PPP6R2: variants seen among roughly 807,000 people sequenced by gnomAD.
The protein encoded by PPP6R2 is protein phosphatase 6 regulatory subunit 2.
Under a neutral mutation model 100.2 loss-of-function variants are expected in PPP6R2, and 62 were observed. The observed-to-expected ratio is 0.62, with a 90% CI of 0.50 to 0.76. PPP6R2 has a LOEUF of 0.76. Among genes scored for constraint, PPP6R2 ranks in the 30% least tolerant of loss-of-function variants. The probability of loss-of-function intolerance (pLI) is 0.00; values close to 1 mark genes in which losing one functional copy is unlikely to be tolerated. For missense variants in PPP6R2, 1,142 were observed against 1,276.3 expected, an observed-to-expected ratio of 0.89 and a Z score of 1.60; for synonymous variants, 525 against 514.7, an observed-to-expected ratio of 1.02 and a Z score of -0.27.
intron 4 of PPP6R2, among the ~76,000 whole-genome samples, 155 bp downstream of exon 4, chr22:50,407,030 C>A (rs896675099): frequency 6.6e-6 from 1 of 152,088 alleles, no homozygotes; most frequent in Non-Finnish European, 1.5e-5. Context: ...GTGGGTTTTG[C>A]CAGTCTGGGA....
intron 4 of PPP6R2, among the ~76,000 whole-genome samples, chr22:50,413,711 T>A (rs1424332788): frequency 6.7e-6 from 1 of 148,924 alleles, no homozygotes; most frequent in Non-Finnish European, 1.5e-5. Context: ...TTCCCACCAC[T>A]CCTTTTCCTA....
chr22:50,426,917 A>T (rs1272039644), intron 10 of PPP6R2, among the ~76,000 whole-genome samples: 2 of 150,652 alleles, frequency 1.3e-5, no homozygotes, highest in Non-Finnish European at 2.9e-5. Context: ...GGCCGGGCGC[A>T]GTGGCTCATG....
intron 2 of PPP6R2, among the ~76,000 whole-genome samples, chr22:50,374,566 A>T (rs1177719334): frequency 6.6e-6 from 1 of 152,190 alleles, no homozygotes; most frequent in African/African-American, 2.4e-5. Context: ...AACTAATAAA[A>T]GACCTAAATC....
At chr22:50,346,876 G>A (rs1037100693) in intron 1 of PPP6R2, among the ~76,000 whole-genome samples, 1 of 142,548 alleles carries the variant, frequency 7.0e-6, no homozygotes, top group Non-Finnish European at 1.5e-5. Flanking sequence ...TCCCATCAGT[G>A]CCTGCACCCC....
chr22:50,356,005 C>T (rs1169937709), intron 1 of PPP6R2, among the ~76,000 whole-genome samples: 1 of 148,908 alleles, frequency 6.7e-6, no homozygotes, highest in East Asian at 2.0e-4. Context: ...CTCTGTCACT[C>T]AGGCTGGAGT....
In PPP6R2 at chr22:50,441,006, G is replaced by A. The variant is rs780408073; in HGVS notation, c.2559G>A (p.Arg853=). The A allele has an allele frequency of 6.3e-7, 1 of 1,597,038 alleles. No individual in the cohort carries two copies. Among genetic ancestry groups the A allele is most frequent in the South Asian group, 1.1e-5 (1 of 90,480 alleles). The change falls in exon 22 of 24, where the codon AGG becomes AGA. Residue 853 remains arginine, a synonymous_variant. Transcript: ENST00000612753. The stretch of plus-strand genomic sequence containing the variant: ...CCCCCCCGCTGCCCACAGTGGCCAG[G>A]ACAGAGGAGGCTGTCGGCAGGTGTG... ...REAPPLPTVA[R]TEEAVGRVGC...
At chr22:50,374,858 G>A (rs2051095919) in intron 2 of PPP6R2, among the ~76,000 whole-genome samples, 1 of 137,628 alleles carries the variant, frequency 7.3e-6, no homozygotes, top group Admixed American at 7.8e-5. Flanking sequence ...ATGTTGCAGT[G>A]AGCCAAGATC....
rs183546977 is a variant in PPP6R2 at position 50,429,093 on chromosome 22, T to C, written c.1126-2080T>C. Among the ~76,000 whole-genome samples the C allele has an allele frequency of 3.9e-3, 587 of 152,140 alleles. 3 individuals are homozygous for C. The highest frequency in any genetic ancestry group is 0.01 in the Middle Eastern group (3 of 294). ...TTGCCCAGGCTGGAGTGCAGTGGCATGATCTTGGCTCACGGCAACCGCCGC... is the reference window on the plus strand; with the variant it reads ...TTGCCCAGGCTGGAGTGCAGTGGCACGATCTTGGCTCACGGCAACCGCCGC... On this transcript the variant is annotated intron_variant, in intron 10 of 23. Coordinates refer to ENST00000612753, the MANE Select transcript of PPP6R2 (RefSeq NM_001242898.2).
rs754893364 is a variant in PPP6R2 at position 50,439,809 on chromosome 22, C to A, written c.2237C>A (p.Pro746Gln). 16 of 1,613,774 alleles carry A rather than the reference C, an allele frequency of 9.9e-6. No individual in the cohort carries two copies. Among genetic ancestry groups the A allele is most frequent in the Non-Finnish European group, 1.3e-5 (15 of 1,179,972 alleles). ...SSVWAAGTSA[P>Q]EEKGWAKFTD... ...GTGTGGGCAGCTGGCACCTCAGCTC[C>A]AGAGGAGAAAGGCTGGGCCAAGTTC... The change falls in exon 20 of 24, where the codon CCA becomes CAA. Residue 746 changes from proline to glutamine, a missense_variant. By Grantham distance (76) the Pro-to-Gln change is moderately conservative (BLOSUM62 -1). This residue lies in a region of PPP6R2 where 550 missense variants were observed against 517.4 expected (regional missense o/e 1.06). Coordinates refer to ENST00000612753, the MANE Select transcript of PPP6R2 (RefSeq NM_001242898.2).
At position 50,440,869 on chromosome 22, in the gene PPP6R2, G is replaced by GC; in HGVS notation, c.2428dup (p.Leu810ProfsTer5). The GC allele has an allele frequency of 6.2e-7, 1 of 1,613,852 alleles. No individual in the cohort carries two copies. The highest frequency in any genetic ancestry group is 8.5e-7 in the Non-Finnish European group (1 of 1,180,012). On this transcript the variant is annotated frameshift_variant, in exon 22 of 24. Coordinates refer to ENST00000612753, the MANE Select transcript of PPP6R2 (RefSeq NM_001242898.2). LOFTEE classifies it high-confidence loss of function. ...CTGGAACGTGTGTGTCACCAGGAAG[G>GC]CCCCCCTGCTGGCCTCTGACAGTAG...
chr22:50,394,240 G>A (rs965250828), intron 3 of PPP6R2, 105 bp downstream of exon 3: 16 of 1,502,606 alleles, frequency 1.1e-5, no homozygotes, highest in East Asian at 9.6e-5. Flanking sequence ...ATGAAGAAGC[G>A]AGCCGTAAAA....
chr22:50,356,342 A>C, intron 1 of PPP6R2, among the ~76,000 whole-genome samples: 1 of 139,084 alleles, frequency 7.2e-6, no homozygotes, highest in South Asian at 2.2e-4. Flanking sequence ...TCACTCTGTC[A>C]TCTCGGCTGG....
At chr22:50,437,484 T>TGCCAAC in intron 15 of PPP6R2, 22 bp from the exon 16 acceptor site, 1 of 542,130 alleles carries the variant, frequency 1.8e-6, no homozygotes, top group East Asian at 4.4e-5. Context: ...TGTCCGTCCC[T>TGCCAAC]CCCTCCCTCC....
At chr22:50,405,370 C>G (rs887121613) in intron 3 of PPP6R2, among the ~76,000 whole-genome samples, 2 of 134,778 alleles carry the variant, frequency 1.5e-5, no homozygotes, top group Non-Finnish European at 3.2e-5. Flanking sequence ...GGTGAGAGGC[C>G]TGGAGAGAGG....
At position 50,415,469 on chromosome 22, in the gene PPP6R2, C is replaced by T. The variant is rs74999154; in HGVS notation, c.553-623C>T. Among the ~76,000 whole-genome samples, 921 of 152,350 alleles carry T rather than the reference C, an allele frequency of 6.0e-3. 13 individuals are homozygous for T. The highest frequency in any genetic ancestry group is 0.021 in the African/African-American group (861 of 41,576). On this transcript the variant is annotated intron_variant, in intron 5 of 23. Transcript: ENST00000612753. Reference sequence around the variant, plus strand: ...TGTGGTCATAGCCGTTAGTGGGAAGCCTGCAGAACTGTACGTCAGGCAGCC... The same window carrying T: ...TGTGGTCATAGCCGTTAGTGGGAAGTCTGCAGAACTGTACGTCAGGCAGCC...
At chr22:50,422,211 G>T in intron 8 of PPP6R2, 43 bp from the exon 9 acceptor site, 1 of 1,593,794 alleles carries the variant, frequency 6.3e-7, no homozygotes, top group Non-Finnish European at 8.6e-7. Context: ...GGTTGGACAG[G>T]GTCCTGGTGT....
chr22:50,357,354 T>G (rs550960888), intron 1 of PPP6R2, among the ~76,000 whole-genome samples: 1 of 152,134 alleles, frequency 6.6e-6, no homozygotes, highest in African/African-American at 2.4e-5. Context: ...TTTTTTGTTA[T>G]ACTAGTTGCT....
rs1468645807 is a variant in PPP6R2, at chr22:50,438,313, C to T, written c.1964+15C>T. On this transcript the variant is annotated intron_variant, in intron 18 of 23. Transcript: ENST00000612753. ...GCCAGACCCAGGTGCGGGGCCTGCC[C>T]ATCCCCACAAAGCCTCTGCCGAGGA... 6.2e-7 allele frequency: 1 copy of T among 1,606,566 alleles called. No individual in the cohort carries two copies.
intron 10 of PPP6R2, among the ~76,000 whole-genome samples, chr22:50,429,844 A>G (rs560522801): frequency 4.6e-5 from 7 of 152,230 alleles, no homozygotes; most frequent in Non-Finnish European, 1.0e-4. Flanking sequence ...AGCCTCCTCC[A>G]AGGTTGCTCA....
Sources: allele counts gnomAD v4.1 joint callset (sites outside exome capture counted in the v4.1 genomes callset), GRCh38; gene constraint gnomAD v4.1.1; regional missense constraint gnomAD v4.1.1; transcripts MANE v1.5; gene names NCBI Gene and HGNC (gene_info 2026-07-23, HGNC 2026-07-21).